Variants in NALF1 observed in about 807,000 individuals in gnomAD.
The protein encoded by NALF1 is NALCN channel auxiliary factor 1, also known as family with sequence similarity 155 member A.
Under a neutral mutation model 48.4 loss-of-function variants are expected in NALF1, and 3 were observed. The observed-to-expected ratio is 0.06, with a 90% CI of 0.03 to 0.16. The LOEUF is 0.16. Ranked by LOEUF, NALF1 falls within the 10% of genes least tolerant of loss-of-function variation. The pLI is 1.00. For missense variants in NALF1, 526 were observed against 571.5 expected (o/e 0.92, Z 0.81); for synonymous variants, 262 against 245.7 (o/e 1.07, Z -0.62).
intron 1 of NALF1, among the ~76,000 whole-genome samples, chr13:107,596,798 T>G (rs1198401695): frequency 6.6e-6 from 1 of 152,184 alleles, no homozygotes; most frequent in Non-Finnish European, 1.5e-5. Context: ...ATTCTGCACA[T>G]GTATCCCAGA....
chr13:107,525,277 C>T (rs1421519201), intron 1 of NALF1, among the ~76,000 whole-genome samples: 1 of 152,086 alleles, frequency 6.6e-6, no homozygotes, highest in Admixed American at 6.6e-5. Flanking sequence ...GTCACACAAT[C>T]TCCTCAATCC....
intron 1 of NALF1, among the ~76,000 whole-genome samples, chr13:107,245,187 T>G (rs1880555327): frequency 1.3e-5 from 2 of 152,198 alleles, no homozygotes; most frequent in Admixed American, 1.3e-4. Context: ...AGCGACTAAG[T>G]GAACACTACT....
intron 1 of NALF1, among the ~76,000 whole-genome samples, chr13:107,357,143 T>C (rs1011766537): frequency 6.6e-6 from 1 of 152,112 alleles, no homozygotes; most frequent in Non-Finnish European, 1.5e-5. Flanking sequence ...CGAGACTGGG[T>C]AATTTACAAA....
intron 1 of NALF1, among the ~76,000 whole-genome samples, chr13:107,465,727 A>G (rs1364413779): frequency 6.6e-6 from 1 of 152,320 alleles, no homozygotes; most frequent in Non-Finnish European, 1.5e-5. Flanking sequence ...TAGGTCATTT[A>G]TACACAACAG....
chr13:107,262,418 A>C (rs770887914), intron 1 of NALF1, among the ~76,000 whole-genome samples: 4 of 152,272 alleles, frequency 2.6e-5, no homozygotes, highest in South Asian at 2.1e-4. Flanking sequence ...CTGTCTCAAA[A>C]AAACAAACAA....
chr13:107,388,003 G>A (rs537772698), intron 1 of NALF1, among the ~76,000 whole-genome samples: 2 of 152,236 alleles, frequency 1.3e-5, no homozygotes, highest in South Asian at 2.1e-4. Context: ...CCTGTGTAGC[G>A]GAACCCTCCC....
intron 1 of NALF1, among the ~76,000 whole-genome samples, chr13:107,753,245 T>C (rs1357190121): frequency 6.6e-6 from 1 of 152,232 alleles, no homozygotes; most frequent in Non-Finnish European, 1.5e-5. Context: ...AAGTGATTAC[T>C]TTTCTAAGCT....
chr13:107,259,917 A>G (rs1406599149), intron 1 of NALF1, among the ~76,000 whole-genome samples: 1 of 152,248 alleles, frequency 6.6e-6, no homozygotes, highest in Non-Finnish European at 1.5e-5. Context: ...CATGAGAGCA[A>G]GCACTATGTC....
At chr13:107,233,901 T>C (rs1287770389) in intron 1 of NALF1, among the ~76,000 whole-genome samples, 4 of 152,236 alleles carry the variant, frequency 2.6e-5, no homozygotes, top group African/African-American at 9.6e-5. Context: ...TATGACATGA[T>C]TATTACACCA....
chr13:107,806,601 T>C (rs1878799123), intron 1 of NALF1, among the ~76,000 whole-genome samples: 1 of 152,156 alleles, frequency 6.6e-6, no homozygotes, highest in South Asian at 2.1e-4. Flanking sequence ...TACATAAGGT[T>C]GATTCAATAC....
At chr13:107,762,855 AAAAG>A (rs1248449629) in intron 1 of NALF1, among the ~76,000 whole-genome samples, 2 of 152,196 alleles carry the variant, frequency 1.3e-5, no homozygotes, top group East Asian at 3.9e-4. Context: ...AATATATTAA[AAAAG>A]AAAGAGAGTC....
chr13:107,415,337 T>A (rs185240032), intron 1 of NALF1, among the ~76,000 whole-genome samples: 1 of 151,802 alleles, frequency 6.6e-6, no homozygotes, highest in Non-Finnish European at 1.5e-5. Context: ...CACCTCAAAA[T>A]GCTCAGCATC....
intron 1 of NALF1, among the ~76,000 whole-genome samples, chr13:107,679,961 T>C (rs1185453548): frequency 6.6e-6 from 1 of 152,216 alleles, no homozygotes; most frequent in South Asian, 2.1e-4. Context: ...CCCATTCTTT[T>C]AGTGATGAGA....
At chr13:107,210,348 T>G (rs1053700849) in intron 2 of NALF1, among the ~76,000 whole-genome samples, 1 of 152,250 alleles carries the variant, frequency 6.6e-6, no homozygotes, top group African/African-American at 2.4e-5. Flanking sequence ...GATTTCTTCT[T>G]TCACACAGTG....
chr13:107,461,480 T>C (rs552068848), intron 1 of NALF1, among the ~76,000 whole-genome samples: 1 of 152,322 alleles, frequency 6.6e-6, no homozygotes, highest in South Asian at 2.1e-4. Flanking sequence ...GAAACATTCC[T>C]TTTCCTCTGT....
At chr13:107,552,602 AC>A (rs1206083186) in intron 1 of NALF1, among the ~76,000 whole-genome samples, 1 of 152,152 alleles carries the variant, frequency 6.6e-6, no homozygotes, top group Non-Finnish European at 1.5e-5. Context: ...AACACCACTT[AC>A]AGGCACCACG....
intron 1 of NALF1, among the ~76,000 whole-genome samples, chr13:107,212,008 G>C (rs1879772025): frequency 6.6e-6 from 1 of 152,302 alleles, no homozygotes; most frequent in Middle Eastern, 3.4e-3. Flanking sequence ...GGGCTCCAAA[G>C]ACTGTGTTCC....
At chr13:107,584,553 TG>T (rs1319659926) in intron 1 of NALF1, among the ~76,000 whole-genome samples, 6 of 152,194 alleles carry the variant, frequency 3.9e-5, no homozygotes, top group African/African-American at 1.4e-4. Context: ...TTTAAATGAT[TG>T]CTTCTTATGG....
intron 1 of NALF1, among the ~76,000 whole-genome samples, chr13:107,608,295 A>C (rs1450699052): frequency 6.6e-6 from 1 of 152,206 alleles, no homozygotes; most frequent in Non-Finnish European, 1.5e-5. Flanking sequence ...TGTTAAGCCA[A>C]AAGCACTCAC....
Sources: gnomAD v4.1 joint callset for allele counts (sites outside exome capture counted in the v4.1 genomes callset) on GRCh38, gnomAD v4.1.1 for gene constraint, MANE v1.5 for transcripts, NCBI Gene and HGNC (gene_info 2026-07-23, HGNC 2026-07-21) for gene names.